The following CCDC81 variants were observed in gnomAD, a reference collection of about 807,000 sequenced individuals.
CCDC81 encodes coiled-coil domain containing 81.
Under a neutral mutation model 83.7 loss-of-function variants are expected in CCDC81, and 79 were observed. That is an observed-to-expected ratio of 0.94 (90% CI 0.79 to 1.14). CCDC81 has a LOEUF of 1.14. Among genes scored for constraint, CCDC81 ranks in the 50% most tolerant of loss-of-function variants. The pLI is 0.00. For synonymous variants in CCDC81, 252 were observed against 278.1 expected, an observed-to-expected ratio of 0.91 and a Z score of 0.93; for missense variants, 791 against 778.1, an observed-to-expected ratio of 1.02 and a Z score of -0.20.
At chr11:86,405,815 C>A (rs1258202317) in intron 7 of CCDC81, among the ~76,000 whole-genome samples, 1 of 146,528 alleles carries the variant, frequency 6.8e-6, no homozygotes, top group African/African-American at 2.5e-5. Flanking sequence ...CAGGCTGGAG[C>A]GCAGTGGCGT....
chr11:86,415,463 G>A (rs1948706379), intron 13 of CCDC81, 150 bp downstream of exon 13: 1 of 636,862 alleles, frequency 1.6e-6, no homozygotes, highest in Non-Finnish European at 2.7e-6. Flanking sequence ...GGAGTTATTT[G>A]TGCAAGGCAT....
At chr11:86,390,029 CCA>C (rs890517498) in intron 3 of CCDC81, among the ~76,000 whole-genome samples, 1 of 152,080 alleles carries the variant, frequency 6.6e-6, no homozygotes, top group Non-Finnish European at 1.5e-5. Flanking sequence ...TGCTTGAACC[CCA>C]GAGGCGGAGG....
At position 86,419,938 on chromosome 11, in the gene CCDC81, G is replaced by A; in HGVS notation, c.1702G>A (p.Asp568Asn). 6.2e-7 allele frequency: 1 copy of A among 1,612,560 alleles called. No individual in the cohort carries two copies. The highest frequency in any genetic ancestry group is 8.5e-7 in the Non-Finnish European group (1 of 1,179,360). Reference protein sequence around the residue: ...LQRTQREHLADRTAELERVNR... With the variant: ...LQRTQREHLANRTAELERVNR... ...TTCTTTTCTCTCCAGGCACTTGGCA[G>A]ACAGAACCGCTGAGCTGGAGCGAGT... is the stretch of plus-strand genomic sequence containing the variant. The change falls in exon 14 of 15, where the codon GAC (aspartate) becomes AAC (asparagine). Residue 568 changes from aspartate to asparagine, a missense_variant. Transcript: ENST00000445632.
At chr11:86,375,455 G>T (rs1388794456) in intron 1 of CCDC81, among the ~76,000 whole-genome samples, 1 of 152,136 alleles carries the variant, frequency 6.6e-6, no homozygotes, top group Non-Finnish European at 1.5e-5. Flanking sequence ...TGCGTAGACA[G>T]CACAAAGTAA....
At chr11:86,401,007 G>T (rs1199860203) in intron 7 of CCDC81, among the ~76,000 whole-genome samples, 1 of 152,116 alleles carries the variant, frequency 6.6e-6, no homozygotes, top group Non-Finnish European at 1.5e-5. Flanking sequence ...GATAAATTAC[G>T]ATTCAGTGGA....
chr11:86,421,485 G>A lies in CCDC81; in HGVS notation c.1818-1089G>A, dbSNP rs190038058. 1.2e-3 allele frequency among the ~76,000 whole-genome samples: 181 copies of A among 152,124 alleles called. 1 individual carries two copies. The highest frequency in any genetic ancestry group is 4.2e-3 in the African/African-American group (174 of 41,526). On this transcript the variant is annotated intron_variant, in intron 14 of 14. Coordinates refer to ENST00000445632, the MANE Select transcript of CCDC81 (RefSeq NM_001156474.2). ...CCACCAGGCCTGGCTAATTTTTTGT[G>A]TTTTTTAGTAGAGACAGGGTTTCAC...
intron 13 of CCDC81, among the ~76,000 whole-genome samples, chr11:86,417,744 TC>T (rs1948740817): frequency 6.6e-6 from 1 of 151,714 alleles, no homozygotes; most frequent in African/African-American, 2.4e-5. Context: ...CATCTAATTT[TC>T]CTTTTTTTTT....
intron 11 of CCDC81, among the ~76,000 whole-genome samples, chr11:86,413,468 A>G (rs1188213803): frequency 6.6e-6 from 1 of 151,946 alleles, no homozygotes; most frequent in Non-Finnish European, 1.5e-5. Flanking sequence ...GCCAGGGACC[A>G]TGCCCTTTCC....
At chr11:86,408,468 G>A (rs1006116806) in intron 9 of CCDC81, among the ~76,000 whole-genome samples, 198 bp downstream of exon 9, 2 of 151,938 alleles carry the variant, frequency 1.3e-5, no homozygotes, top group African/African-American at 4.8e-5. Context: ...AGATTAGCTG[G>A]GACTACAGGC....
rs1948768785 is a variant in CCDC81 at position 86,419,999 on chromosome 11, A to T, written c.1763A>T (p.Glu588Val). 3 of 1,613,800 alleles carry T rather than the reference A, an allele frequency of 1.9e-6. No homozygotes were observed. Among genetic ancestry groups the T allele is most frequent in the African/African-American group, 2.7e-5 (2 of 74,902 alleles). Reference sequence around the variant, plus strand: ...AACCAATGCTTACAGGAGGACTGGGAAAGGAGTGCTGCGATGAAGAAGCAG... The same window carrying T: ...AACCAATGCTTACAGGAGGACTGGGTAAGGAGTGCTGCGATGAAGAAGCAG... ...RVNQCLQEDW[E>V]RSAAMKKQRD... The change falls in exon 14 of 15, where the codon GAA (glutamate) becomes GTA (valine). Residue 588 changes from glutamate (E) to valine (V), a missense_variant. Coordinates refer to ENST00000445632, the MANE Select transcript of CCDC81 (RefSeq NM_001156474.2).
At chr11:86,375,921 A>G (rs974693043) in intron 1 of CCDC81, among the ~76,000 whole-genome samples, 1 of 152,234 alleles carries the variant, frequency 6.6e-6, no homozygotes, top group African/African-American at 2.4e-5. Flanking sequence ...CTTTAACCAA[A>G]TGACCGCAGA....
intron 10 of CCDC81, 41 bp downstream of exon 10, chr11:86,409,406 T>C (rs1295009410): frequency 2.0e-6 from 2 of 1,002,800 alleles, no homozygotes; most frequent in Non-Finnish European, 3.0e-6. Flanking sequence ...ACCTGGCCCA[T>C]CTGTGAGCCT....
intron 3 of CCDC81, among the ~76,000 whole-genome samples, chr11:86,388,471 C>G (rs1364854452): frequency 2.6e-5 from 4 of 152,172 alleles, no homozygotes; most frequent in Admixed American, 1.3e-4. Flanking sequence ...ATCAGACTCA[C>G]TCCTGGATAA....
At chr11:86,386,845 G>A (rs575012766) in intron 2 of CCDC81, among the ~76,000 whole-genome samples, 2 of 152,264 alleles carry the variant, frequency 1.3e-5, no homozygotes, top group South Asian at 2.1e-4. Flanking sequence ...GCTACGTGGT[G>A]ACACATTTGG....
chr11:86,393,424 C>A (rs545123705), intron 4 of CCDC81, among the ~76,000 whole-genome samples: 3 of 152,244 alleles, frequency 2.0e-5, no homozygotes, highest in Non-Finnish European at 4.4e-5. Context: ...AGCATACAAG[C>A]AGCATTATTA....
At chr11:86,389,198 G>A (rs1470842871) in intron 3 of CCDC81, among the ~76,000 whole-genome samples, 1 of 151,856 alleles carries the variant, frequency 6.6e-6, no homozygotes, top group Admixed American at 6.6e-5. Context: ...GGGAGGCTGA[G>A]GCAAGAGGAT....
At position 86,422,846 on chromosome 11, in the gene CCDC81, T is replaced by A; in HGVS notation, c.*131T>A. 3.3e-6 allele frequency: 3 copies of A among 902,220 alleles called. No individual in the cohort carries two copies. The highest frequency in any genetic ancestry group is 5.0e-6 in the Non-Finnish European group (3 of 601,174). 55.9% of individuals were successfully genotyped at this position (902,220 alleles called of 1,614,324 possible). The stretch of plus-strand genomic sequence containing the variant: ...TTTAGGTTTGGTGCTTTCATTAGAT[T>A]GCTTGTTAAGCCCTTATTGAATTCA... On this transcript the variant is annotated 3_prime_UTR_variant, in exon 15 of 15. Coordinates refer to ENST00000445632, the MANE Select transcript of CCDC81 (RefSeq NM_001156474.2).
chr11:86,415,221 G>A lies in CCDC81; in HGVS notation c.1599G>A (p.Leu533=), dbSNP rs757806802. 1 of 1,614,180 alleles carries A rather than the reference G, an allele frequency of 6.2e-7. No individual in the cohort carries two copies. Among genetic ancestry groups the A allele is most frequent in the Non-Finnish European group, 8.5e-7 (1 of 1,180,034 alleles). The part of the protein sequence containing the change: ...KREQNYMKHQ[L]EAAANHKRKA... ...AACAAAATTACATGAAACACCAGCT[G>A]GAGGCAGCTGCTAACCACAAGAGGA... Residue 533 remains leucine (L), a synonymous_variant, in exon 13 of 15, where the codon CTG becomes CTA. Transcript: ENST00000445632.
In CCDC81 at chr11:86,392,631, C is replaced by T. The variant is rs762713437; in HGVS notation, c.389C>T (p.Thr130Met). Residue 130 changes from threonine (T) to methionine (M), a missense_variant, in exon 4 of 15, where the codon ACG becomes ATG. Thr to Met is a moderately conservative substitution (Grantham distance 81). Transcript: ENST00000445632. ...RDVVEGCVKE[T>M]LLFLSRSISM... ...GTAGTGGAAGGATGTGTGAAGGAGA[C>T]GTTGCTTTTTTTATCGCGTTCCATT... 20 of 1,551,488 alleles carry T rather than the reference C, an allele frequency of 1.3e-5. No individual in the cohort carries two copies. The highest frequency in any genetic ancestry group is 1.2e-4 in the East Asian group (5 of 40,920).
Sources: gnomAD v4.1 joint callset for allele counts (sites outside exome capture counted in the v4.1 genomes callset) on GRCh38, gnomAD v4.1.1 for gene constraint, MANE v1.5 for transcripts, NCBI Gene and HGNC (gene_info 2026-07-23, HGNC 2026-07-21) for gene names.